Variants in RBFOX1 observed in about 807,000 individuals in gnomAD.
RBFOX1 encodes the protein RNA binding fox-1 homolog 1, also known as RNA binding protein fox-1 homolog 1.
Under a neutral mutation model 57.7 loss-of-function variants are expected in RBFOX1, and 8 were observed. The ratio of observed to expected loss-of-function variants is 0.14; its 90% CI spans 0.08 to 0.25. RBFOX1 has a LOEUF of 0.25. Among genes scored for constraint, RBFOX1 ranks in the 10% least tolerant of loss-of-function variants. RBFOX1 has a pLI of 1.00. For synonymous variants in RBFOX1, 326 were observed against 222.4 expected (o/e 1.47, Z -4.15); for missense variants, 611 against 548.5 (o/e 1.11, Z -1.14).
intron 3 of RBFOX1, among the ~76,000 whole-genome samples, chr16:6,772,943 TATC>T: frequency 1.4e-5 from 2 of 144,056 alleles, no homozygotes; most frequent in Non-Finnish European, 3.0e-5. Flanking sequence ...TGTGTGTGTG[TATC>T]TATATATTTG....
intron 2 of RBFOX1, among the ~76,000 whole-genome samples, chr16:6,391,336 C>A (rs551557105): frequency 1.3e-5 from 2 of 151,918 alleles, no homozygotes; most frequent in Admixed American, 6.5e-5. Flanking sequence ...GGTGAAACCC[C>A]GTCTCTACTA....
At chr16:5,374,097 G>T (rs1445389518) in intron 1 of RBFOX1, among the ~76,000 whole-genome samples, 1 of 152,112 alleles carries the variant, frequency 6.6e-6, no homozygotes, top group Non-Finnish European at 1.5e-5. Flanking sequence ...GCCATCATGT[G>T]CGGCTAATTT....
intron 3 of RBFOX1, among the ~76,000 whole-genome samples, chr16:5,771,247 C>T (rs2053967386): frequency 6.6e-6 from 1 of 152,188 alleles, no homozygotes; most frequent in Non-Finnish European, 1.5e-5. Flanking sequence ...GGTTGTTGGT[C>T]TGCACATTAA....
rs140634188 is a variant in RBFOX1 at position 6,105,153 on chromosome 16, A to C, written c.-127+85161A>C. Among the ~76,000 whole-genome samples, 225 of 152,294 alleles carry C rather than the reference A, an allele frequency of 1.5e-3. 1 individual carries two copies. The highest frequency in any genetic ancestry group is 5.1e-3 in the African/African-American group (210 of 41,568). ...CAGCTCATCATTCCTCTCTCACCTGAATCTTGTTTGATTTCTCAAAGCCCA... is the reference window on the plus strand; with the variant it reads ...CAGCTCATCATTCCTCTCTCACCTGCATCTTGTTTGATTTCTCAAAGCCCA... On this transcript the variant is annotated intron_variant, in intron 1 of 15. Transcript: ENST00000550418.
At chr16:6,702,163 A>G (rs963935810) in intron 3 of RBFOX1, among the ~76,000 whole-genome samples, 1 of 152,226 alleles carries the variant, frequency 6.6e-6, no homozygotes, top group South Asian at 2.1e-4. Context: ...CAAGCCGTTC[A>G]TAAGGGATCT....
intron 3 of RBFOX1, among the ~76,000 whole-genome samples, chr16:6,976,609 C>G (rs1306870877): frequency 6.6e-6 from 1 of 150,938 alleles, no homozygotes; most frequent in Admixed American, 6.6e-5. Context: ...TAGGGCGTTC[C>G]CGAAAGTAAG....
intron 10 of RBFOX1, among the ~76,000 whole-genome samples, chr16:7,629,041 T>C (rs2060514984): frequency 6.6e-6 from 1 of 152,206 alleles, no homozygotes; most frequent in Admixed American, 6.5e-5. Context: ...TTAATTTCAC[T>C]GTTGTGTGAA....
intron 6 of RBFOX1, among the ~76,000 whole-genome samples, chr16:7,582,453 A>C (rs942222763): frequency 1.1e-4 from 16 of 152,184 alleles, no homozygotes; most frequent in Non-Finnish European, 1.8e-4. Context: ...TACAACCACT[A>C]TTCTAAAGAA....
chr16:7,597,217 T>C, intron 8 of RBFOX1, 154 bp from the exon 9 acceptor site: 1 of 512,628 alleles, frequency 2.0e-6, no homozygotes, highest in Non-Finnish European at 3.4e-6. Context: ...AAATGTATGA[T>C]TTTGTTATGC....
At position 5,835,765 on chromosome 16, in the gene RBFOX1, C is replaced by T. The variant is rs563622248; in HGVS notation, c.319-31538C>T. ...CTTGATTAAACTCAATTTGGCATGT[C>T]GTTATATCTGATTACTTATTCATCT... On this transcript the variant is annotated intron_variant, in intron 3 of 19. Transcript: ENST00000641259. Among the ~76,000 whole-genome samples, 13 of 152,308 alleles carry T rather than the reference C, an allele frequency of 8.5e-5. No individual in the cohort carries two copies. The South Asian group carries it at 1.0e-3, about 12-fold the overall frequency.
chr16:6,276,325 T>C (rs1000707868), intron 1 of RBFOX1, among the ~76,000 whole-genome samples: 3 of 152,096 alleles, frequency 2.0e-5, no homozygotes, highest in African/African-American at 7.2e-5. Context: ...TAGAAATATG[T>C]GTTAGTTATT....
chr16:6,341,892 G>A lies in RBFOX1; in HGVS notation c.-64+24835G>A, dbSNP rs148255796. Among the ~76,000 whole-genome samples, 623 of 152,254 alleles carry A rather than the reference G, an allele frequency of 4.1e-3. 3 individuals carry two copies. Among genetic ancestry groups the A allele is most frequent in the Non-Finnish European group, 7.7e-3 (525 of 68,030 alleles). ...TCTGGTGACACTTTTAACGATTCTC[G>A]TGATTCCACTGAACCCACCTGGATC... On this transcript the variant is annotated intron_variant, in intron 2 of 15. Transcript: ENST00000550418.
At chr16:6,146,627 C>T (rs531459190) in intron 1 of RBFOX1, among the ~76,000 whole-genome samples, 9 of 152,056 alleles carry the variant, frequency 5.9e-5, no homozygotes, top group Non-Finnish European at 1.2e-4. Flanking sequence ...AATATAAAGT[C>T]CTTAGGACGA....
At chr16:5,895,263 T>A (rs1302396436) in intron 4 of RBFOX1, among the ~76,000 whole-genome samples, 4 of 152,210 alleles carry the variant, frequency 2.6e-5, no homozygotes, top group Admixed American at 6.5e-5. Flanking sequence ...AATAATGTGG[T>A]CCAGATGCCT....
chr16:6,474,981 T>C (rs979903099), intron 2 of RBFOX1, among the ~76,000 whole-genome samples: 2 of 152,226 alleles, frequency 1.3e-5, no homozygotes, highest in African/African-American at 4.8e-5. Flanking sequence ...TTTTTGTCCT[T>C]ACAGCACAAA....
chr16:6,969,765 C>T (rs1012676382), intron 3 of RBFOX1, among the ~76,000 whole-genome samples: 7 of 151,866 alleles, frequency 4.6e-5, no homozygotes, highest in South Asian at 2.1e-4. Context: ...AATAAGGTAA[C>T]GTATCTTAAT....
At chr16:6,560,225 TGGG>T (rs946266049) in intron 2 of RBFOX1, among the ~76,000 whole-genome samples, 1 of 147,516 alleles carries the variant, frequency 6.8e-6, no homozygotes, top group African/African-American at 2.5e-5. Flanking sequence ...ATATTCTAGT[TGGG>T]GGGAAAAACA....
chr16:6,488,213 C>T (rs42240), intron 2 of RBFOX1, among the ~76,000 whole-genome samples: 35,784 of 152,168 alleles, frequency 0.24, 4,894 homozygotes, highest in Non-Finnish European at 0.31. Flanking sequence ...TGCCACAGTA[C>T]TGTGGATGTA....
intron 2 of RBFOX1, among the ~76,000 whole-genome samples, chr16:6,330,441 A>G (rs889245842): frequency 1.3e-5 from 2 of 152,210 alleles, no homozygotes; most frequent in Admixed American, 6.5e-5. Context: ...AGTCCCCACT[A>G]TGAAGGCTTT....
Sources: gnomAD v4.1 joint callset for allele counts (sites outside exome capture counted in the v4.1 genomes callset) on GRCh38, gnomAD v4.1.1 for gene constraint, MANE v1.5 for transcripts, NCBI Gene and HGNC (gene_info 2026-07-23, HGNC 2026-07-21) for gene names.